Variants in CNTN4 observed in about 807,000 individuals in gnomAD.
CNTN4 encodes the protein contactin 4, also known as contactin-4.
CNTN4 carries 77 observed loss-of-function variants against 122.5 expected under a neutral mutation model. That is an observed-to-expected ratio of 0.63 (90% confidence interval 0.52 to 0.76). CNTN4 has a LOEUF of 0.76. CNTN4 is among the 30% of genes least tolerant of loss of function. CNTN4 has a pLI of 0.00. For synonymous variants in CNTN4, 512 were observed against 447.0 expected (o/e 1.15, Z -1.83); for missense variants, 1,256 against 1,259.1 (o/e 1.00, Z 0.04).
intron 2 of CNTN4, among the ~76,000 whole-genome samples, chr3:2,134,341 T>G (rs922218843): frequency 1.3e-5 from 2 of 152,196 alleles, no homozygotes; most frequent in African/African-American, 4.8e-5. Context: ...TGATTTGAAT[T>G]CGTACCCCAG....
chr3:2,471,876 A>G (rs1575706558), intron 3 of CNTN4, among the ~76,000 whole-genome samples: 1 of 152,340 alleles, frequency 6.6e-6, no homozygotes, highest in South Asian at 2.1e-4. Flanking sequence ...TCAAAGCTGT[A>G]TACAATACAC....
intron 2 of CNTN4, among the ~76,000 whole-genome samples, chr3:2,287,865 A>G (rs1349153012): frequency 6.6e-6 from 1 of 152,194 alleles, no homozygotes; most frequent in Non-Finnish European, 1.5e-5. Context: ...ATTTATATTC[A>G]TCTATTGTTG....
Position 2,382,300 on chromosome 3 carries a change from G to C in CNTN4, c.-89+43067G>C, listed in dbSNP as rs1181639231. Among the ~76,000 whole-genome samples, 6 of 151,952 alleles carry C rather than the reference G, an allele frequency of 3.9e-5. 1 individual carries two copies. The highest frequency in any genetic ancestry group is 1.4e-4 in the African/African-American group (6 of 41,438). On this transcript the variant is annotated intron_variant, in intron 3 of 24. Transcript: ENST00000418658. ...TTCTCCTGCCTCAGCCTCCCGAGTA[G>C]CTGGGATTACAGGCGCGCTGTAATT...
At chr3:2,818,889 A>T (rs1056052960) in intron 6 of CNTN4, among the ~76,000 whole-genome samples, 12 of 152,244 alleles carry the variant, frequency 7.9e-5, no homozygotes, top group Non-Finnish European at 1.2e-4. Context: ...TATACATTTT[A>T]TATAGAGTTG....
At chr3:2,708,567 A>G (rs933392191) in intron 4 of CNTN4, among the ~76,000 whole-genome samples, 1 of 152,202 alleles carries the variant, frequency 6.6e-6, no homozygotes, top group Non-Finnish European at 1.5e-5. Context: ...AAAGGAGCCC[A>G]TTGGTATGGG....
chr3:3,050,784 T>A (rs78978997), intron 23 of CNTN4, among the ~76,000 whole-genome samples: 169 of 64,848 alleles, frequency 2.6e-3, no homozygotes, highest in Middle Eastern at 6.9e-3. Flanking sequence ...AAAAAAAAAA[T>A]CCAGGCTCTG....
chr3:2,806,303 G>A (rs760662604), intron 6 of CNTN4, among the ~76,000 whole-genome samples: 1 of 152,180 alleles, frequency 6.6e-6, no homozygotes, highest in Non-Finnish European at 1.5e-5. Flanking sequence ...ACTGATGTGC[G>A]TATCATATCT....
At position 2,362,606 on chromosome 3, in the gene CNTN4, T is replaced by G. The variant is rs1247893249; in HGVS notation, c.-89+23373T>G. 1.6e-5 allele frequency: 8 copies of G among 496,956 alleles called. No individual in the cohort carries two copies. In the East Asian group the frequency reaches 4.1e-4, roughly 26 times the overall value. 30.8% of individuals were successfully genotyped at this position (496,956 alleles called of 1,614,324 possible). ...TTCTTGGACACCTACTCCTTGTGTGTAAGAAGATAGCAAGGGCTGAGGGCC... is the reference window on the plus strand; with the variant it reads ...TTCTTGGACACCTACTCCTTGTGTGGAAGAAGATAGCAAGGGCTGAGGGCC... On this transcript the variant is annotated intron_variant, in intron 3 of 24. Transcript: ENST00000418658.
intron 4 of CNTN4, among the ~76,000 whole-genome samples, chr3:2,722,610 A>G (rs1252622300): frequency 6.6e-6 from 1 of 152,220 alleles, no homozygotes; most frequent in South Asian, 2.1e-4. Flanking sequence ...AAAGCTAAGA[A>G]AACGTTTTTT....
chr3:2,392,111 A>G (rs1267906943), intron 3 of CNTN4, among the ~76,000 whole-genome samples: 1 of 152,230 alleles, frequency 6.6e-6, no homozygotes, highest in Non-Finnish European at 1.5e-5. Flanking sequence ...ACCCCAGATC[A>G]GAAATGCTAA....
intron 2 of CNTN4, among the ~76,000 whole-genome samples, chr3:2,213,843 T>C (rs2038723411): frequency 6.6e-6 from 1 of 152,198 alleles, no homozygotes; most frequent in African/African-American, 2.4e-5. Flanking sequence ...TGTTGTTGTT[T>C]TCTTATATTG....
intron 5 of CNTN4, among the ~76,000 whole-genome samples, chr3:2,738,745 C>T (rs1452025451): frequency 6.6e-6 from 1 of 152,060 alleles, no homozygotes; most frequent in African/African-American, 2.4e-5. Flanking sequence ...TACTGCGCAG[C>T]ATACACAAAA....
chr3:2,333,107 T>C (rs2043803991), intron 2 of CNTN4, among the ~76,000 whole-genome samples: 1 of 152,160 alleles, frequency 6.6e-6, no homozygotes, highest in Non-Finnish European at 1.5e-5. Context: ...CTTGTGAAGC[T>C]CAGAATCTCA....
chr3:2,612,692 A>G (rs1241403255), intron 4 of CNTN4, among the ~76,000 whole-genome samples: 2 of 152,170 alleles, frequency 1.3e-5, no homozygotes, highest in Admixed American at 1.3e-4. Context: ...CTGCATTGCT[A>G]CATATCTTAT....
intron 13 of CNTN4, among the ~76,000 whole-genome samples, chr3:2,961,676 C>T (rs2094861035): frequency 6.6e-6 from 1 of 151,828 alleles, no homozygotes; most frequent in East Asian, 1.9e-4. Context: ...TGAAGTCACA[C>T]ACAACAACAC....
chr3:2,329,110 T>C (rs2043600269), intron 2 of CNTN4, among the ~76,000 whole-genome samples: 1 of 152,012 alleles, frequency 6.6e-6, no homozygotes, highest in African/African-American at 2.4e-5. Flanking sequence ...TAAAAATAAA[T>C]TTGCAAATAT....
At chr3:2,903,383 A>G (rs2094195890) in intron 12 of CNTN4, among the ~76,000 whole-genome samples, 1 of 152,194 alleles carries the variant, frequency 6.6e-6, no homozygotes, top group Non-Finnish European at 1.5e-5. Context: ...TGAACAGCTG[A>G]CAGAATAAAC....
chr3:2,527,762 T>A (rs990498677), intron 3 of CNTN4, among the ~76,000 whole-genome samples: 4 of 152,146 alleles, frequency 2.6e-5, no homozygotes, highest in Non-Finnish European at 5.9e-5. Flanking sequence ...TAGTTGCCCC[T>A]AGATGTCTTT....
At chr3:2,134,404 G>T (rs551907447) in intron 2 of CNTN4, among the ~76,000 whole-genome samples, 6 of 152,336 alleles carry the variant, frequency 3.9e-5, no homozygotes, top group East Asian at 3.9e-4. Flanking sequence ...GTTGATGGAT[G>T]ATAGGATCCA....
Sources: gnomAD v4.1 joint callset for allele counts (sites outside exome capture counted in the v4.1 genomes callset) on GRCh38, gnomAD v4.1.1 for gene constraint, MANE v1.5 for transcripts, NCBI Gene and HGNC (gene_info 2026-07-23, HGNC 2026-07-21) for gene names.